The following CTNNA3 variants were observed in gnomAD, a reference collection of about 807,000 sequenced individuals.
CTNNA3 encodes the protein catenin alpha 3.
In CTNNA3, 76 loss-of-function variants were observed where a neutral mutation model predicts 95.7. The ratio of observed to expected loss-of-function variants is 0.79; its 90% CI spans 0.66 to 0.96. The LOEUF (loss-of-function observed/expected upper bound fraction) is 0.96, where lower values mean the gene tolerates loss of function less well. Among genes scored for constraint, CTNNA3 ranks in the 40% least tolerant of loss-of-function variants. The pLI, the probability that CTNNA3 is intolerant of heterozygous loss-of-function variation, is 0.00. For synonymous variants in CTNNA3, 431 were observed against 374.4 expected (o/e 1.15, Z -1.74); for missense variants, 1,191 against 1,089.8 (o/e 1.09, Z -1.31).
intron 10 of CTNNA3, among the ~76,000 whole-genome samples, chr10:66,593,908 T>C (rs1843629325): frequency 1.3e-5 from 2 of 152,134 alleles, no homozygotes; most frequent in Admixed American, 6.5e-5. Context: ...TTTCCTTTTC[T>C]GATGGCTGAA....
At chr10:67,445,919 T>C (rs1216819098) in intron 5 of CTNNA3, among the ~76,000 whole-genome samples, 12 of 152,146 alleles carry the variant, frequency 7.9e-5, no homozygotes, top group Admixed American at 6.5e-4. Context: ...AGAGAAAGCT[T>C]CATTTTGTCC....
rs1564699603 is a variant in CTNNA3 at position 67,504,799 on chromosome 10, C to CA, written c.579+17042dup. ...AGTTATTTACTCTCTGTTTTTAAGA[C>CA]AAAAATGTTTCCTGATAGATTTCAA... On this transcript the variant is annotated intron_variant, in intron 5 of 17. Transcript: ENST00000433211. Among the ~76,000 whole-genome samples the CA allele has an allele frequency of 3.9e-5, 6 of 152,228 alleles. No homozygotes were observed. The East Asian group carries it at 1.2e-3, about 29-fold the overall frequency.
chr10:66,276,344 A>C (rs1226035147), intron 13 of CTNNA3, among the ~76,000 whole-genome samples: 2 of 152,082 alleles, frequency 1.3e-5, no homozygotes, highest in Non-Finnish European at 2.9e-5. Flanking sequence ...TTTTACCTGA[A>C]TCTTGTTTCT....
intron 15 of CTNNA3, among the ~76,000 whole-genome samples, chr10:66,065,807 A>G (rs888909988): frequency 9.9e-5 from 15 of 152,126 alleles, no homozygotes; most frequent in Admixed American, 3.3e-4. Flanking sequence ...TTTTATGGTG[A>G]GAAAGCTTAA....
intron 13 of CTNNA3, among the ~76,000 whole-genome samples, chr10:66,105,261 C>G (rs1029505274): frequency 6.6e-6 from 1 of 152,174 alleles, no homozygotes; most frequent in African/African-American, 2.4e-5. Context: ...GATGTAATTT[C>G]TATACAATCA....
At chr10:67,715,831 TATTGC>T (rs1841139233) in intron 1 of CTNNA3, among the ~76,000 whole-genome samples, 2 of 152,232 alleles carry the variant, frequency 1.3e-5, no homozygotes, top group Non-Finnish European at 2.9e-5. Context: ...CTGGGCTGTA[TATTGC>T]AAACATTAGT....
chr10:66,061,368 C>T (rs1421968429), intron 15 of CTNNA3, among the ~76,000 whole-genome samples: 1 of 152,042 alleles, frequency 6.6e-6, no homozygotes, highest in African/African-American at 2.4e-5. Context: ...TGATACAGTA[C>T]TTTCTATGAG....
At chr10:66,161,637 C>G (rs2084851965) in intron 13 of CTNNA3, among the ~76,000 whole-genome samples, 1 of 152,196 alleles carries the variant, frequency 6.6e-6, no homozygotes, top group Non-Finnish European at 1.5e-5. Flanking sequence ...AAGAGTCTTT[C>G]TTTCATCTTA....
chr10:66,196,947 T>C (rs1214744109), intron 13 of CTNNA3, among the ~76,000 whole-genome samples: 1 of 152,172 alleles, frequency 6.6e-6, no homozygotes, highest in Non-Finnish European at 1.5e-5. Context: ...GGCTCATGAA[T>C]TGAACCTGGT....
intron 12 of CTNNA3, among the ~76,000 whole-genome samples, chr10:66,312,955 C>A (rs2092044782): frequency 6.6e-6 from 1 of 152,124 alleles, no homozygotes; most frequent in Non-Finnish European, 1.5e-5. Context: ...ACATTGCCTG[C>A]TGAAATTCTT....
intron 2 of CTNNA3, among the ~76,000 whole-genome samples, chr10:67,641,285 T>G (rs1425863780): frequency 6.6e-6 from 1 of 151,840 alleles, no homozygotes; most frequent in Non-Finnish European, 1.5e-5. Flanking sequence ...ATCAGAGAAA[T>G]GCAAATCAAA....
intron 7 of CTNNA3, among the ~76,000 whole-genome samples, chr10:67,035,606 G>A (rs1321500728): frequency 6.6e-6 from 1 of 152,200 alleles, no homozygotes; most frequent in East Asian, 1.9e-4. Context: ...TTTGACAAGA[G>A]AAGCAGAAAT....
intron 12 of CTNNA3, among the ~76,000 whole-genome samples, chr10:66,363,307 T>C (rs917816292): frequency 5.3e-5 from 8 of 152,138 alleles, no homozygotes; most frequent in Non-Finnish European, 1.0e-4. Flanking sequence ...AATGTGATGG[T>C]ATTTGGAGAT....
chr10:66,492,180 C>T (rs1050858068), intron 11 of CTNNA3, among the ~76,000 whole-genome samples: 1 of 152,158 alleles, frequency 6.6e-6, no homozygotes, highest in African/African-American at 2.4e-5. Context: ...TACACACCAT[C>T]CTTTTTTGCA....
chr10:66,571,070 G>A lies in CTNNA3; in HGVS notation c.1375-50297C>T, dbSNP rs574364049. Among the ~76,000 whole-genome samples the A allele has an allele frequency of 2.6e-5, 4 of 152,206 alleles. No individual in the cohort carries two copies. In the South Asian group the frequency reaches 8.3e-4, roughly 32 times the overall value. ...ATTATTTAAGCAAGATAGTAATCAA[G>A]GTAACTAACAATTTTAAAAATTACT... is the stretch of plus-strand genomic sequence containing the variant. On this transcript the variant is annotated intron_variant, in intron 10 of 17. Transcript: ENST00000433211.
chr10:66,638,398 G>A (rs1175204778), intron 9 of CTNNA3, among the ~76,000 whole-genome samples: 1 of 152,092 alleles, frequency 6.6e-6, no homozygotes, highest in African/African-American at 2.4e-5. Context: ...TCTAGAAGCG[G>A]ACTTTAATTG....
intron 12 of CTNNA3, among the ~76,000 whole-genome samples, chr10:66,316,995 T>G (rs1182066598): frequency 1.3e-5 from 2 of 152,112 alleles, no homozygotes; most frequent in African/African-American, 4.8e-5. Context: ...ATAAGATAGA[T>G]GAAAGTTCAT....
chr10:67,103,932 G>C (rs1400066866), intron 7 of CTNNA3, among the ~76,000 whole-genome samples: 5 of 151,248 alleles, frequency 3.3e-5, no homozygotes, highest in African/African-American at 1.2e-4. Flanking sequence ...TTTTCTTGAA[G>C]TTTTATACAT....
chr10:67,301,318 C>A (rs558005541), intron 5 of CTNNA3, among the ~76,000 whole-genome samples: 2 of 151,880 alleles, frequency 1.3e-5, no homozygotes, highest in East Asian at 3.9e-4. Flanking sequence ...CACCTCATAC[C>A]TGTTAGAATG....
Sources: gnomAD v4.1 joint callset for allele counts (sites outside exome capture counted in the v4.1 genomes callset) on GRCh38, gnomAD v4.1.1 for gene constraint, MANE v1.5 for transcripts, NCBI Gene and HGNC (gene_info 2026-07-23, HGNC 2026-07-21) for gene names.